The following IMMP2L variants were observed in gnomAD, a reference collection of about 807,000 sequenced individuals.
The protein encoded by IMMP2L is mitochondrial inner membrane protease subunit 2.
In IMMP2L, 18 loss-of-function variants were observed where a neutral mutation model predicts 19.3. That is an observed-to-expected ratio of 0.93 (90% CI 0.64 to 1.38). The LOEUF (loss-of-function observed/expected upper bound fraction) is 1.38, where lower values mean the gene tolerates loss of function less well. IMMP2L is among the 40% of genes most tolerant of loss of function. IMMP2L has a pLI of 0.00. For synonymous variants in IMMP2L, 76 were observed against 73.0 expected, an observed-to-expected ratio of 1.04 and a Z score of -0.21; for missense variants, 233 against 218.2, an observed-to-expected ratio of 1.07 and a Z score of -0.43.
intron 2 of IMMP2L, among the ~76,000 whole-genome samples, chr7:111,502,412 G>A (rs890749491): frequency 3.4e-4 from 52 of 152,142 alleles, no homozygotes; most frequent in African/African-American, 1.2e-3. Flanking sequence ...ACAGATCAAC[G>A]AGACAGAAAG....
intron 3 of IMMP2L, among the ~76,000 whole-genome samples, chr7:111,243,509 G>C (rs1815432698): frequency 1.5e-5 from 1 of 67,758 alleles, no homozygotes; most frequent in Non-Finnish European, 2.7e-5. Flanking sequence ...ATTTCTTGTT[G>C]CTTTATTTTT....
intron 5 of IMMP2L, among the ~76,000 whole-genome samples, chr7:110,667,087 G>A (rs185629997): frequency 1.3e-5 from 2 of 152,234 alleles, no homozygotes; most frequent in Admixed American, 1.3e-4. Flanking sequence ...AGCCAAGATG[G>A]TCTCGATCTT....
At chr7:111,124,928 T>TC in intron 3 of IMMP2L, 1 of 1,198,640 alleles carries the variant, frequency 8.3e-7, no homozygotes, top group Non-Finnish European at 1.1e-6. Context: ...ACTCCAAAAA[T>TC]GAACAAAAAA....
At chr7:110,940,627 T>C (rs1311957431) in intron 4 of IMMP2L, among the ~76,000 whole-genome samples, 2 of 152,170 alleles carry the variant, frequency 1.3e-5, no homozygotes, top group Non-Finnish European at 2.9e-5. Flanking sequence ...TTTCAGGCCT[T>C]AATCTCCTCA....
chr7:111,089,358 T>C (rs760930243), intron 3 of IMMP2L, among the ~76,000 whole-genome samples: 15 of 152,088 alleles, frequency 9.9e-5, no homozygotes, highest in Non-Finnish European at 2.1e-4. Flanking sequence ...ATACAGTCAA[T>C]ACCAATCAAT....
chr7:110,690,151 A>G (rs552586570), intron 5 of IMMP2L, among the ~76,000 whole-genome samples: 2 of 152,294 alleles, frequency 1.3e-5, no homozygotes, highest in Non-Finnish European at 2.9e-5. Flanking sequence ...CAATGCCACA[A>G]TTCCTGTCCT....
chr7:110,845,404 TCCCA>T (rs1319979910), intron 5 of IMMP2L, among the ~76,000 whole-genome samples: 5 of 152,156 alleles, frequency 3.3e-5, no homozygotes, highest in Admixed American at 3.3e-4. Flanking sequence ...TTTAAAAAGC[TCCCA>T]GCTGAGTCCT....
At chr7:111,450,962 C>T (rs1290036895) in intron 3 of IMMP2L, among the ~76,000 whole-genome samples, 4 of 151,520 alleles carry the variant, frequency 2.6e-5, no homozygotes, top group Non-Finnish European at 5.9e-5. Flanking sequence ...TGAAAAAATG[C>T]TCATCATCAC....
At chr7:110,850,338 C>G (rs936373586) in intron 5 of IMMP2L, among the ~76,000 whole-genome samples, 3 of 152,078 alleles carry the variant, frequency 2.0e-5, no homozygotes, top group African/African-American at 7.2e-5. Context: ...ATGACAATGA[C>G]CCAGAAGTTA....
At chr7:110,779,526 G>A (rs1298209594) in intron 5 of IMMP2L, among the ~76,000 whole-genome samples, 2 of 151,872 alleles carry the variant, frequency 1.3e-5, no homozygotes, top group African/African-American at 2.4e-5. Context: ...GGAATTTTTG[G>A]TGATGTGCTA....
intron 5 of IMMP2L, among the ~76,000 whole-genome samples, chr7:110,852,621 C>A (rs1806353258): frequency 6.6e-6 from 1 of 152,008 alleles, no homozygotes; most frequent in African/African-American, 2.4e-5. Flanking sequence ...ATCTTTACTA[C>A]CCTGGACTGT....
chr7:110,703,612 T>C (rs961514264), intron 5 of IMMP2L, among the ~76,000 whole-genome samples: 3 of 152,184 alleles, frequency 2.0e-5, no homozygotes, highest in African/African-American at 7.2e-5. Flanking sequence ...GAAATAATGT[T>C]GTAGAAGTAT....
At chr7:110,965,628 C>G (rs1484888972) in intron 3 of IMMP2L, among the ~76,000 whole-genome samples, 1 of 151,966 alleles carries the variant, frequency 6.6e-6, no homozygotes, top group Non-Finnish European at 1.5e-5. Flanking sequence ...TTAAGATACT[C>G]TCTGCAGGGT....
intron 3 of IMMP2L, among the ~76,000 whole-genome samples, chr7:110,978,364 C>T (rs865919541): frequency 6.6e-6 from 1 of 151,858 alleles, no homozygotes; most frequent in South Asian, 2.1e-4. Context: ...GAAAGGTATG[C>T]CATAAACAAA....
At chr7:111,114,268 A>G (rs1486589004) in intron 3 of IMMP2L, among the ~76,000 whole-genome samples, 1 of 152,146 alleles carries the variant, frequency 6.6e-6, no homozygotes, top group Non-Finnish European at 1.5e-5. Context: ...TACAGCTCCT[A>G]AGGATCTTTT....
intron 5 of IMMP2L, among the ~76,000 whole-genome samples, chr7:110,762,632 C>T (rs541296473): frequency 1.5e-3 from 229 of 152,170 alleles, no homozygotes; most frequent in Non-Finnish European, 2.6e-3. Context: ...GTAGCTTTGT[C>T]TGGGAGGGCA....
At chr7:111,330,203 C>T (rs545529848) in intron 3 of IMMP2L, among the ~76,000 whole-genome samples, 80 of 151,046 alleles carry the variant, frequency 5.3e-4, no homozygotes, top group Admixed American at 1.4e-3. Flanking sequence ...AGAAATGGAA[C>T]GTAAATTACA....
rs1240460219 is a variant in IMMP2L at position 111,421,523 on chromosome 7, G to A, written c.239+65715C>T. 4.0e-5 allele frequency among the ~76,000 whole-genome samples: 6 copies of A among 151,470 alleles called. 2 individuals are homozygous for A. The highest frequency in any genetic ancestry group is 1.5e-4 in the African/African-American group (6 of 40,948). On this transcript the variant is annotated intron_variant, in intron 3 of 5. Transcript: ENST00000405709. Reference sequence around the variant, plus strand: ...TCCTGACCTTGATCCACCCGCCTCGGCCTCCCAAAGTGCTGGGATTACAAG... The same window carrying A: ...TCCTGACCTTGATCCACCCGCCTCGACCTCCCAAAGTGCTGGGATTACAAG...
intron 3 of IMMP2L, among the ~76,000 whole-genome samples, chr7:111,320,861 T>C (rs968534149): frequency 1.3e-5 from 2 of 151,928 alleles, no homozygotes; most frequent in African/African-American, 4.8e-5. Context: ...TTGTTCTTCC[T>C]CCCCCAATCA....
Sources: allele counts gnomAD v4.1 joint callset (sites outside exome capture counted in the v4.1 genomes callset), GRCh38; gene constraint gnomAD v4.1.1; transcripts MANE v1.5; gene names NCBI Gene and HGNC (gene_info 2026-07-23, HGNC 2026-07-21).